The following WDR75 variants were observed in gnomAD, a reference collection of about 807,000 sequenced individuals.
WDR75 encodes WD repeat domain 75, also known as WD repeat-containing protein 75.
Under a neutral mutation model 106.1 loss-of-function variants are expected in WDR75, and 52 were observed. The ratio of observed to expected loss-of-function variants is 0.49; its 90% CI spans 0.39 to 0.62. WDR75 has a LOEUF of 0.62. WDR75 is among the 20% of genes least tolerant of loss of function. WDR75 has a pLI of 0.00. For missense variants in WDR75, 905 were observed against 970.3 expected, an observed-to-expected ratio of 0.93 and a Z score of 0.89; for synonymous variants, 333 against 335.5, an observed-to-expected ratio of 0.99 and a Z score of 0.08.
At chr2:189,447,437 A>C (rs919615306) in intron 1 of WDR75, among the ~76,000 whole-genome samples, 1 of 152,248 alleles carries the variant, frequency 6.6e-6, no homozygotes, top group African/African-American at 2.4e-5. Flanking sequence ...CCCAGACCTC[A>C]CCAACTGGAG....
rs115357910 is a variant in WDR75, at chr2:189,456,430, C to T, written c.499-881C>T. Among the ~76,000 whole-genome samples, 609 of 151,876 alleles carry T rather than the reference C, an allele frequency of 4.0e-3. 7 individuals are homozygous for T. Among genetic ancestry groups the T allele is most frequent in the African/African-American group, 0.014 (569 of 41,388 alleles). On this transcript the variant is annotated intron_variant, in intron 5 of 20. Coordinates refer to ENST00000314761, the MANE Select transcript of WDR75 (RefSeq NM_032168.3). The stretch of plus-strand genomic sequence containing the variant: ...ATGTGATATGCATACAATGGAGTGC[C>T]GCTCAGCAATAAAAAGGAGCTAATG...
intron 1 of WDR75, among the ~76,000 whole-genome samples, chr2:189,444,880 C>T (rs922452341): frequency 2.6e-5 from 4 of 152,134 alleles, no homozygotes; most frequent in African/African-American, 4.8e-5. Context: ...TTTCCTTGCT[C>T]TTGCTTATGT....
At chr2:189,459,796 A>G in intron 8 of WDR75, among the ~76,000 whole-genome samples, 1 of 152,216 alleles carries the variant, frequency 6.6e-6, no homozygotes. Flanking sequence ...CATTGGCCGT[A>G]GGAAATGAGT....
chr2:189,451,814 G>C lies in WDR75; in HGVS notation c.292G>C (p.Val98Leu), dbSNP rs775486125. ...IDGILIKTFI[V>L]GCKLHALFTL... ...GCTCTTTATCTTTCAGACTTTCATAGTTGGATGTAAACTTCATGCCCTCTT... is the reference window on the plus strand; with the variant it reads ...GCTCTTTATCTTTCAGACTTTCATACTTGGATGTAAACTTCATGCCCTCTT... Residue 98 changes from valine to leucine, a missense_variant, in exon 4 of 21, where the codon GTT becomes CTT. Physicochemically the swap from Val to Leu is conservative, Grantham distance 32. Coordinates refer to ENST00000314761, the MANE Select transcript of WDR75 (RefSeq NM_032168.3). The C allele has an allele frequency of 6.2e-7, 1 of 1,613,602 alleles. No homozygotes were observed.
chr2:189,441,505 G>C lies in WDR75; in HGVS notation c.13G>C (p.Glu5Gln). Reference protein sequence around the residue: MVEEENIRVVRCGGS... With the variant: MVEEQNIRVVRCGGS... ...CTACTGCGCAAAGATGGTGGAGGAGGAGAACATCCGCGTGGTTCGTTGTGG... is the reference window on the plus strand; with the variant it reads ...CTACTGCGCAAAGATGGTGGAGGAGCAGAACATCCGCGTGGTTCGTTGTGG... Residue 5 changes from glutamate (E) to glutamine (Q), a missense_variant, in exon 1 of 21, where the codon GAG becomes CAG. Glu to Gln is a conservative substitution (Grantham distance 29). Coordinates refer to ENST00000314761, the MANE Select transcript of WDR75 (RefSeq NM_032168.3). The C allele has an allele frequency of 6.4e-7, 1 of 1,564,526 alleles. No homozygotes were observed. The highest frequency in any genetic ancestry group is 8.7e-7 in the Non-Finnish European group (1 of 1,153,170).
chr2:189,468,442 A>C, intron 14 of WDR75, 33 bp from the exon 15 acceptor site: 1 of 1,604,224 alleles, frequency 6.2e-7, no homozygotes, highest in Non-Finnish European at 8.5e-7. Flanking sequence ...GCTAGAACTG[A>C]CTGTTGCTAA....
chr2:189,464,366 C>G (rs745742077), intron 11 of WDR75, among the ~76,000 whole-genome samples: 32 of 152,160 alleles, frequency 2.1e-4, no homozygotes, highest in Non-Finnish European at 4.1e-4. Context: ...AAGAGGAACA[C>G]TTCTTCCAAT....
chr2:189,453,322 AT>A (rs1287182047), intron 4 of WDR75, among the ~76,000 whole-genome samples: 1 of 152,190 alleles, frequency 6.6e-6, no homozygotes, highest in Non-Finnish European at 1.5e-5. Flanking sequence ...AGGAATCTGC[AT>A]TTTTAATATC....
chr2:189,474,681 T>C (rs748254693), intron 19 of WDR75, 36 bp from the exon 20 acceptor site: 11 of 1,578,400 alleles, frequency 7.0e-6, no homozygotes, highest in Middle Eastern at 3.3e-4. Flanking sequence ...GAGGATAAGC[T>C]TTTTAATTGC....
At chr2:189,450,040 A>G in intron 2 of WDR75, 1 of 984,860 alleles carries the variant, frequency 1.0e-6, no homozygotes, top group Non-Finnish European at 1.2e-6. Context: ...TTCTGGTGCT[A>G]CCAAAGTATG....
intron 12 of WDR75, 78 bp from the exon 13 acceptor site, chr2:189,466,347 T>C: frequency 6.7e-7 from 1 of 1,487,686 alleles, no homozygotes; most frequent in Non-Finnish European, 9.2e-7. Context: ...TATTGTAAAA[T>C]GTACAGCATG....
At position 189,444,669 on chromosome 2, in the gene WDR75, C is replaced by G. The variant is rs192859834; in HGVS notation, c.86+3091C>G. 3.7e-4 allele frequency among the ~76,000 whole-genome samples: 57 copies of G among 152,252 alleles called. 1 individual carries two copies. Among genetic ancestry groups the G allele is most frequent in the Admixed American group, 3.6e-3 (55 of 15,296 alleles). On this transcript the variant is annotated intron_variant, in intron 1 of 20. Transcript: ENST00000314761. ...TTGTTACTGTTATAACATTATTACT[C>G]TAACTCTTATTTCTAGTCTTGCTCT...
At chr2:189,449,488 T>G in intron 2 of WDR75, 2 of 1,095,622 alleles carry the variant, frequency 1.8e-6, no homozygotes, top group Non-Finnish European at 2.3e-6. Context: ...GCAAAACTAT[T>G]ATTTTGTTAA....
chr2:189,457,613 C>T (rs1686767140), intron 6 of WDR75, among the ~76,000 whole-genome samples: 1 of 152,158 alleles, frequency 6.6e-6, no homozygotes, highest in South Asian at 2.1e-4. Context: ...ACACTGAATT[C>T]TAGTCTGCAT....
Position 189,457,328 on chromosome 2 carries a change from A to C in WDR75, c.516A>C (p.Ala172=). The C allele has an allele frequency of 1.9e-6, 3 of 1,604,772 alleles. No individual in the cohort carries two copies. Among genetic ancestry groups the C allele is most frequent in the Non-Finnish European group, 1.7e-6 (2 of 1,172,666 alleles). The change falls in exon 6 of 21, where the codon GCA becomes GCC. Residue 172 remains alanine, a synonymous_variant. Coordinates refer to ENST00000314761, the MANE Select transcript of WDR75 (RefSeq NM_032168.3). ...AATACTAGGGAGTATATGTTGCTGCAGTACGGGAATTTTACTTGTCTGTTT... is the reference window on the plus strand; with the variant it reads ...AATACTAGGGAGTATATGTTGCTGCCGTACGGGAATTTTACTTGTCTGTTT... The part of the protein sequence containing the change: ...AFGNEGVYVA[A]VREFYLSVYF...
Position 189,457,351 on chromosome 2 carries a change from T to C in WDR75, c.539T>C (p.Val180Ala), listed in dbSNP as rs938522754. 1 of 1,604,946 alleles carries C rather than the reference T, an allele frequency of 6.2e-7. No homozygotes were observed. The highest frequency in any genetic ancestry group is 1.1e-5 in the South Asian group (1 of 90,532). Reference sequence around the variant, plus strand: ...GCAGTACGGGAATTTTACTTGTCTGTTTATTTTTTCAAAAAGAAAACAACA... The same window carrying C: ...GCAGTACGGGAATTTTACTTGTCTGCTTATTTTTTCAAAAAGAAAACAACA... ...VAAVREFYLS[V>A]YFFKKKTTSR... The change falls in exon 6 of 21, where the codon GTT (valine) becomes GCT (alanine). Residue 180 changes from valine (V) to alanine (A), a missense_variant. Val to Ala is a moderately conservative substitution (Grantham distance 64). Transcript: ENST00000314761.
intron 3 of WDR75, among the ~76,000 whole-genome samples, chr2:189,451,396 A>G (rs893114732): frequency 4.6e-5 from 7 of 152,158 alleles, no homozygotes; most frequent in Admixed American, 2.6e-4. Flanking sequence ...TTGTAGATTG[A>G]AAAAAAATCT....
chr2:189,446,734 C>A (rs542433566), intron 1 of WDR75, among the ~76,000 whole-genome samples: 1 of 152,198 alleles, frequency 6.6e-6, no homozygotes, highest in East Asian at 1.9e-4. Context: ...ACCAGACACT[C>A]TATATAGTAA....
At chr2:189,441,728 T>G in intron 1 of WDR75, 150 bp downstream of exon 1, 1 of 856,024 alleles carries the variant, frequency 1.2e-6, no homozygotes, top group Non-Finnish European at 1.8e-6. Flanking sequence ...ATCCCCAGGG[T>G]ACCTGGGAGG....
Sources: gnomAD v4.1 joint callset for allele counts (sites outside exome capture counted in the v4.1 genomes callset) on GRCh38, gnomAD v4.1.1 for gene constraint, MANE v1.5 for transcripts, NCBI Gene and HGNC (gene_info 2026-07-23, HGNC 2026-07-21) for gene names.